The following MAST2 variants were observed in gnomAD, a reference collection of about 807,000 sequenced individuals.
MAST2 encodes the protein microtubule associated serine/threonine kinase 2.
A neutral mutation model predicts 147.4 loss-of-function variants in MAST2; 70 were observed. That is an observed-to-expected ratio of 0.47 (90% confidence interval 0.39 to 0.58). MAST2 has a LOEUF of 0.58. Among genes scored for constraint, MAST2 ranks in the 20% least tolerant of loss-of-function variants. The probability of loss-of-function intolerance (pLI) is 0.00; values close to 1 mark genes in which losing one functional copy is unlikely to be tolerated. For synonymous variants in MAST2, 869 were observed against 896.8 expected (o/e 0.97, Z 0.55); for missense variants, 2,080 against 2,302.3 (o/e 0.90, Z 1.98).
chr1:45,817,895 A>G (rs1025944986), intron 1 of MAST2, among the ~76,000 whole-genome samples: 1 of 151,934 alleles, frequency 6.6e-6, no homozygotes, highest in African/African-American at 2.4e-5. Flanking sequence ...CAATCAACAC[A>G]TTTTCGCCAA....
At chr1:45,995,739 A>G (rs768583572) in intron 5 of MAST2, among the ~76,000 whole-genome samples, 2 of 152,102 alleles carry the variant, frequency 1.3e-5, no homozygotes, top group Admixed American at 6.5e-5. Context: ...CTTTTAAGCT[A>G]ATTTTCTGGA....
intron 4 of MAST2, among the ~76,000 whole-genome samples, chr1:45,957,753 A>G (rs1398392062): frequency 1.3e-5 from 2 of 152,232 alleles, no homozygotes; most frequent in East Asian, 3.9e-4. Flanking sequence ...TAAATGTGCT[A>G]AGATTGTCAG....
chr1:46,035,240 C>T lies in MAST2; in HGVS notation c.4571C>T (p.Ala1524Val). The T allele has an allele frequency of 6.2e-7, 1 of 1,613,962 alleles. No individual in the cohort carries two copies. The highest frequency in any genetic ancestry group is 8.5e-7 in the Non-Finnish European group (1 of 1,180,002). The change falls in exon 29 of 29, where the codon GCA becomes GTA. Residue 1524 changes from alanine to valine, a missense_variant. This residue lies in a region of MAST2 where 1,278 missense variants were observed against 1,304.2 expected (regional missense o/e 0.98). Transcript: ENST00000361297. The surrounding 1 kb of genome is among the most constrained non-coding windows in gnomAD (Gnocchi z 5.5). Reference protein sequence around the residue: ...NSQGAQELSLAPHPEVSQSVA... With the variant: ...NSQGAQELSLVPHPEVSQSVA... ...CAGGGTGCACAGGAGCTGAGCTTGG[C>T]ACCTCACCCAGAAGTGAGCCAGAGT... is the stretch of plus-strand genomic sequence containing the variant.
chr1:45,936,525 A>G (rs1336869156), intron 4 of MAST2, among the ~76,000 whole-genome samples: 2 of 152,028 alleles, frequency 1.3e-5, no homozygotes, highest in Non-Finnish European at 1.5e-5. Flanking sequence ...ATTTTGAGGT[A>G]TGTTCCTTTG....
In MAST2 at chr1:46,023,915, T is replaced by G. The variant is rs1303056081; in HGVS notation, c.1715T>G (p.Val572Gly). Reference sequence around the variant, plus strand: ...CTGACTTTCGCTGAGAACCCCTTTGTGGTCAGCATGTTCTGCTCCTTTGAT... The same window carrying G: ...CTGACTTTCGCTGAGAACCCCTTTGGGGTCAGCATGTTCTGCTCCTTTGAT... ...DILTFAENPF[V>G]VSMFCSFDTK... The change falls in exon 15 of 29, where the codon GTG (valine) becomes GGG (glycine). Residue 572 changes from valine (V) to glycine (G), a missense_variant. Physicochemically the swap from Val to Gly is moderately radical, Grantham distance 109. Coordinates refer to ENST00000361297, the MANE Select transcript of MAST2 (RefSeq NM_015112.3). The surrounding 1 kb of genome is among the most constrained non-coding windows in gnomAD (Gnocchi z 4.9). 3 of 1,614,094 alleles carry G rather than the reference T, an allele frequency of 1.9e-6. No homozygotes were observed.
At chr1:46,029,033 C>A in intron 18 of MAST2, 100 bp downstream of exon 18, 1 of 1,317,446 alleles carries the variant, frequency 7.6e-7, no homozygotes, top group Non-Finnish European at 1.0e-6. Flanking sequence ...TTGTTCTGAA[C>A]TCATCATGTG....
intron 4 of MAST2, among the ~76,000 whole-genome samples, chr1:45,937,403 C>CT (rs1414174049): frequency 3.3e-5 from 5 of 151,518 alleles, no homozygotes; most frequent in African/African-American, 1.2e-4. Context: ...GTAGCAAGGA[C>CT]TACAGGAGTG....
chr1:45,959,539 T>C (rs1390862710), intron 5 of MAST2, 62 bp downstream of exon 5: 1 of 1,363,058 alleles, frequency 7.3e-7, no homozygotes, highest in Non-Finnish European at 1.0e-6. Context: ...CCAATTTCTT[T>C]CCTACTTCTC....
intron 3 of MAST2, chr1:45,865,182 A>G (rs1423938605): frequency 4.4e-6 from 2 of 454,506 alleles, no homozygotes; most frequent in Non-Finnish European, 8.8e-6. Flanking sequence ...CTTCCTTTTA[A>G]TGTCTCTTGT....
intron 15 of MAST2, among the ~76,000 whole-genome samples, chr1:46,025,270 T>TA (rs1340206807): frequency 1.3e-5 from 2 of 152,092 alleles, no homozygotes; most frequent in African/African-American, 4.8e-5. Flanking sequence ...GGTGAGCTGA[T>TA]ATCACACCAC....
intron 1 of MAST2, among the ~76,000 whole-genome samples, chr1:45,823,071 C>T (rs898085797): frequency 6.6e-6 from 1 of 152,090 alleles, no homozygotes; most frequent in Admixed American, 6.6e-5. Flanking sequence ...TTTTTCTTCA[C>T]CAACTTCACT....
intron 3 of MAST2, among the ~76,000 whole-genome samples, chr1:45,858,439 T>C (rs1297996434): frequency 2.6e-5 from 4 of 152,052 alleles, no homozygotes; most frequent in Admixed American, 2.0e-4. Context: ...TCATATCCTT[T>C]GCCCACTTTG....
At chr1:46,006,767 C>T (rs1645504716) in intron 8 of MAST2, among the ~76,000 whole-genome samples, 1 of 152,186 alleles carries the variant, frequency 6.6e-6, no homozygotes, top group South Asian at 2.1e-4. Flanking sequence ...ACAATACTGT[C>T]AAGTGGTCCC....
intron 10 of MAST2, among the ~76,000 whole-genome samples, chr1:46,015,787 T>C (rs1367021585): frequency 1.3e-5 from 2 of 152,220 alleles, no homozygotes; most frequent in Middle Eastern, 3.4e-3. Flanking sequence ...ACTATTCCAA[T>C]CAATAGAAAA....
At chr1:45,850,552 GTTTGT>G (rs374712362) in intron 3 of MAST2, among the ~76,000 whole-genome samples, 3,441 of 122,562 alleles carry the variant, frequency 0.028, 140 homozygotes, top group African/African-American at 0.09. Flanking sequence ...TAGTTTGTTT[GTTTGT>G]TTTTTCCCTA....
In MAST2 at chr1:46,031,911, C is replaced by T. The variant is rs949314465; in HGVS notation, c.3188-267C>T. ...CCAAAAATGTGGATATAATAGAGGC[C>T]AGCTGATAGGTTGTGACATTTAAAT... On this transcript the variant is annotated intron_variant, in intron 24 of 28. Coordinates refer to ENST00000361297, the MANE Select transcript of MAST2 (RefSeq NM_015112.3). The surrounding 1 kb of genome is among the most constrained non-coding windows in gnomAD (Gnocchi z 4.1). Among the ~76,000 whole-genome samples the T allele has an allele frequency of 6.6e-6, 1 of 152,124 alleles. No homozygotes were observed. Among genetic ancestry groups the T allele is most frequent in the East Asian group, 1.9e-4 (1 of 5,198 alleles).
chr1:45,815,789 G>A (rs1028694064), intron 1 of MAST2, among the ~76,000 whole-genome samples: 4 of 152,158 alleles, frequency 2.6e-5, no homozygotes, highest in African/African-American at 9.7e-5. Context: ...TGGAGGATGG[G>A]CCAATCCTAG....
intron 3 of MAST2, among the ~76,000 whole-genome samples, chr1:45,881,485 A>T (rs1646841702): frequency 6.6e-6 from 1 of 152,238 alleles, no homozygotes; most frequent in African/African-American, 2.4e-5. Flanking sequence ...AAAAATTAAG[A>T]ATAGTTGTTA....
intron 3 of MAST2, among the ~76,000 whole-genome samples, chr1:45,869,084 T>G (rs1646276091): frequency 6.6e-6 from 1 of 152,162 alleles, no homozygotes; most frequent in South Asian, 2.1e-4. Context: ...TCTTGTACCT[T>G]TGTTTGTTTT....
Sources: allele counts gnomAD v4.1 joint callset (sites outside exome capture counted in the v4.1 genomes callset), GRCh38; gene constraint gnomAD v4.1.1; regional missense constraint gnomAD v4.1.1; non-coding constraint Gnocchi (gnomAD v3.1); transcripts MANE v1.5; gene names NCBI Gene and HGNC (gene_info 2026-07-23, HGNC 2026-07-21).